Variants in GDPD4 observed in about 807,000 individuals in gnomAD.
The protein encoded by GDPD4 is glycerophosphodiester phosphodiesterase domain containing 4.
GDPD4 carries 60 observed loss-of-function variants against 67.8 expected under a neutral mutation model. The observed-to-expected ratio is 0.88, with a 90% CI of 0.72 to 1.10. GDPD4 has a LOEUF of 1.10. Ranked by LOEUF, GDPD4 falls within the 50% of genes least tolerant of loss-of-function variation. The pLI is 0.00. For synonymous variants in GDPD4, 212 were observed against 210.9 expected, an observed-to-expected ratio of 1.00 and a Z score of -0.04; for missense variants, 623 against 613.9, an observed-to-expected ratio of 1.01 and a Z score of -0.16.
chr11:77,252,061 T>TG (rs1475211190), intron 11 of GDPD4, among the ~76,000 whole-genome samples: 26 of 100,150 alleles, frequency 2.6e-4, no homozygotes, highest in African/African-American at 7.2e-4. Flanking sequence ...TTTGTTTTTT[T>TG]TTTGTTTTTT....
intron 15 of GDPD4, 142 bp from the exon 16 acceptor site, chr11:77,228,058 G>T: frequency 1.4e-6 from 1 of 716,306 alleles, no homozygotes. Context: ...ATTCCCAAAT[G>T]TCATTTTCTT....
chr11:77,257,165 T>C (rs528604427), intron 11 of GDPD4, among the ~76,000 whole-genome samples: 2 of 152,358 alleles, frequency 1.3e-5, no homozygotes, highest in Admixed American at 6.5e-5. Flanking sequence ...CTATCTCTGC[T>C]GTCACATGTG....
intron 14 of GDPD4, among the ~76,000 whole-genome samples, chr11:77,230,861 T>G (rs896455917): frequency 2.6e-5 from 4 of 152,170 alleles, no homozygotes; most frequent in African/African-American, 4.8e-5. Context: ...CCTTGGCCAA[T>G]GGAACATCAG....
chr11:77,227,838 G>A (rs759679730), intron 16 of GDPD4, 26 bp downstream of exon 16: 1 of 1,581,966 alleles, frequency 6.3e-7, no homozygotes, highest in Non-Finnish European at 8.7e-7. Flanking sequence ...TGAAGAGACA[G>A]GAGTGGGCTA....
chr11:77,280,269 A>G (rs1959699917), intron 3 of GDPD4, among the ~76,000 whole-genome samples: 1 of 152,170 alleles, frequency 6.6e-6, no homozygotes. Context: ...CCAAAAAAAC[A>G]TAATTAATAG....
chr11:77,247,441 C>G (rs1176009163), intron 11 of GDPD4, among the ~76,000 whole-genome samples: 1 of 152,112 alleles, frequency 6.6e-6, no homozygotes, highest in Non-Finnish European at 1.5e-5. Context: ...AACTAGACTC[C>G]AGTAAACTTT....
At chr11:77,286,275 G>T (rs1959989043) in intron 2 of GDPD4, among the ~76,000 whole-genome samples, 1 of 152,074 alleles carries the variant, frequency 6.6e-6, no homozygotes, top group South Asian at 2.1e-4. Context: ...CCCTTGGTAT[G>T]TGCCTGTGTA....
intron 13 of GDPD4, among the ~76,000 whole-genome samples, chr11:77,241,390 G>T (rs1042778383): frequency 6.6e-6 from 1 of 152,138 alleles, no homozygotes; most frequent in East Asian, 1.9e-4. Flanking sequence ...CAAACTTACA[G>T]TGGGGTACGG....
chr11:77,218,500 AT>A (rs1365758418), intron 16 of GDPD4, among the ~76,000 whole-genome samples: 1 of 152,096 alleles, frequency 6.6e-6, no homozygotes, highest in Non-Finnish European at 1.5e-5. Flanking sequence ...TCAACTCGTC[AT>A]TTACATTAGG....
intron 13 of GDPD4, among the ~76,000 whole-genome samples, chr11:77,239,345 A>G (rs1958621164): frequency 6.6e-6 from 1 of 152,210 alleles, no homozygotes; most frequent in Non-Finnish European, 1.5e-5. Flanking sequence ...AGCCAGAGCA[A>G]TTAGGCAAGA....
chr11:77,301,693 C>T (rs2135904160), upstream of GDPD4: 1 of 152,484 alleles, frequency 6.6e-6, no homozygotes, highest in Middle Eastern at 3.4e-3. Context: ...GAAGGGCAGC[C>T]CGAGGGAGGC....
intron 3 of GDPD4, 144 bp downstream of exon 3, chr11:77,284,941 C>CCT: frequency 3.1e-6 from 2 of 652,812 alleles, no homozygotes; most frequent in South Asian, 3.7e-5. Flanking sequence ...CAGAGGCAGG[C>CCT]CTCTCACCCA....
chr11:77,261,706 T>C (rs1405006319), intron 10 of GDPD4, among the ~76,000 whole-genome samples: 1 of 152,206 alleles, frequency 6.6e-6, no homozygotes, highest in Non-Finnish European at 1.5e-5. Context: ...TTCCCAGAAA[T>C]AGAAGACTGG....
chr11:77,252,046 G>GTT (rs1565523153), intron 11 of GDPD4, among the ~76,000 whole-genome samples: 14 of 68,700 alleles, frequency 2.0e-4, no homozygotes, highest in African/African-American at 7.2e-4. Flanking sequence ...GGGTTTTTTT[G>GTT]TTTGTTTGTT....
chr11:77,250,595 G>A (rs1220358488), intron 11 of GDPD4, among the ~76,000 whole-genome samples: 2 of 152,092 alleles, frequency 1.3e-5, no homozygotes, highest in Admixed American at 6.6e-5. Context: ...GGTCTGTCCT[G>A]GAGAATGTTC....
chr11:77,234,783 T>C (rs928609127), intron 13 of GDPD4, among the ~76,000 whole-genome samples: 5 of 152,214 alleles, frequency 3.3e-5, no homozygotes, highest in Non-Finnish European at 7.3e-5. Flanking sequence ...GTCTCTGCTA[T>C]TGTGAATAGT....
rs1048222469 is a variant in GDPD4 at position 77,220,255 on chromosome 11, G to C, written c.1526-2941C>G. On this transcript the variant is annotated intron_variant, in intron 16 of 16. Coordinates refer to ENST00000315938, the MANE Select transcript of GDPD4 (RefSeq NM_182833.3). ...ACTTCCAACACTATGTTGAATAGGA[G>C]TGGTGAGAAAGGGCATCCCTGTCTT... Among the ~76,000 whole-genome samples the C allele has an allele frequency of 2.2e-4, 34 of 152,182 alleles. 1 individual carries two copies. Among genetic ancestry groups the C allele is most frequent in the African/African-American group, 8.0e-4 (33 of 41,442 alleles).
At chr11:77,254,152 G>A (rs1427721473) in intron 11 of GDPD4, among the ~76,000 whole-genome samples, 1 of 152,190 alleles carries the variant, frequency 6.6e-6, no homozygotes, top group Non-Finnish European at 1.5e-5. Context: ...CTTCTCTGAG[G>A]GGAACACAGT....
intron 11 of GDPD4, among the ~76,000 whole-genome samples, chr11:77,251,072 T>C (rs1455769933): frequency 6.6e-6 from 1 of 152,222 alleles, no homozygotes; most frequent in Non-Finnish European, 1.5e-5. Context: ...AGGCAGCATA[T>C]AGTTGAGTCA....
Sources: allele counts gnomAD v4.1 joint callset (sites outside exome capture counted in the v4.1 genomes callset), GRCh38; gene constraint gnomAD v4.1.1; transcripts MANE v1.5; gene names NCBI Gene and HGNC (gene_info 2026-07-23, HGNC 2026-07-21).